PTPRA: variants seen among roughly 807,000 people sequenced by gnomAD.
PTPRA encodes the protein receptor-type tyrosine-protein phosphatase alpha.
PTPRA carries 25 observed loss-of-function variants against 104.8 expected under a neutral mutation model. That is an observed-to-expected ratio of 0.24 (90% confidence interval 0.17 to 0.33). The LOEUF (loss-of-function observed/expected upper bound fraction) is 0.33, where lower values mean the gene tolerates loss of function less well. PTPRA is among the 10% of genes least tolerant of loss of function. The pLI is 1.00. For synonymous variants in PTPRA, 323 were observed against 368.9 expected, an observed-to-expected ratio of 0.88 and a Z score of 1.43; for missense variants, 765 against 1,015.3, an observed-to-expected ratio of 0.75 and a Z score of 3.35.
chr20:3,021,963 T>A, intron 14 of PTPRA, 91 bp from the exon 15 acceptor site: 1 of 1,488,138 alleles, frequency 6.7e-7, no homozygotes, highest in Non-Finnish European at 9.2e-7. Context: ...TTTTCCATTG[T>A]CACTGACAAC....
chr20:3,026,654 T>A, intron 17 of PTPRA, 33 bp from the exon 18 acceptor site: 1 of 1,505,780 alleles, frequency 6.6e-7, no homozygotes, highest in Non-Finnish European at 9.2e-7. Context: ...GTTACTGGGA[T>A]CAGTAATGTT....
intron 20 of PTPRA, among the ~76,000 whole-genome samples, chr20:3,033,730 C>T (rs1215274603): frequency 1.3e-5 from 2 of 150,682 alleles, no homozygotes; most frequent in African/African-American, 2.4e-5. Flanking sequence ...GGAGAAACCC[C>T]GTCTCTACTA....
chr20:2,992,988 G>A (rs940934410), intron 9 of PTPRA, among the ~76,000 whole-genome samples: 3 of 152,230 alleles, frequency 2.0e-5, no homozygotes, highest in African/African-American at 7.2e-5. Flanking sequence ...GGGAGGCTGA[G>A]GTGGGGTATT....
rs1368151786 is a variant in PTPRA at position 3,019,048 on chromosome 20, C to T, written c.1041+1135C>T. On this transcript the variant is annotated intron_variant, in intron 13 of 23. Transcript: ENST00000399903. ...CGGGGGGGCTGACCCCCCCACCTCC[C>T]GGACGGGGCGGCTGGCCGGGCAGAG... is the stretch of plus-strand genomic sequence containing the variant. Among the ~76,000 whole-genome samples, 271 of 140,506 alleles carry T rather than the reference C, an allele frequency of 1.9e-3. 6 individuals are homozygous for T. The highest frequency in any genetic ancestry group is 2.9e-3 in the Non-Finnish European group (186 of 63,660). 92.2% of individuals were successfully genotyped at this position (140,506 alleles called of 152,430 possible).
intron 3 of PTPRA, among the ~76,000 whole-genome samples, chr20:2,948,760 G>T (rs1264251369): frequency 6.6e-6 from 1 of 151,726 alleles, no homozygotes; most frequent in Non-Finnish European, 1.5e-5. Context: ...GACCATCCTG[G>T]CTAACACAGT....
chr20:2,988,548 G>T (rs1338908089), intron 9 of PTPRA, 74 bp downstream of exon 9: 2 of 1,548,340 alleles, frequency 1.3e-6, no homozygotes, highest in South Asian at 1.3e-5. Flanking sequence ...CAGATCTTTG[G>T]AGTCATGAAG....
At chr20:2,915,715 C>T (rs879589753) in intron 1 of PTPRA, among the ~76,000 whole-genome samples, 15 of 152,248 alleles carry the variant, frequency 9.9e-5, no homozygotes, top group Admixed American at 7.8e-4. Context: ...AGACCAAGCG[C>T]GGTGGCTCAT....
intron 10 of PTPRA, among the ~76,000 whole-genome samples, chr20:3,006,454 C>G (rs1186201288): frequency 6.6e-6 from 1 of 152,140 alleles, no homozygotes; most frequent in Non-Finnish European, 1.5e-5. Context: ...ATTGGGATTA[C>G]GTGCATGAGC....
At chr20:2,930,696 A>G (rs1195579809) in intron 2 of PTPRA, among the ~76,000 whole-genome samples, 1 of 152,100 alleles carries the variant, frequency 6.6e-6, no homozygotes, top group Non-Finnish European at 1.5e-5. Context: ...TCACATGATT[A>G]TCTTCTTATA....
At chr20:2,985,101 G>T (rs1206566026) in intron 6 of PTPRA, among the ~76,000 whole-genome samples, 1 of 152,218 alleles carries the variant, frequency 6.6e-6, no homozygotes, top group Non-Finnish European at 1.5e-5. Context: ...ACAATGGCAT[G>T]CAATTGCTGG....
At chr20:3,031,113 T>C (rs192348035) in intron 20 of PTPRA, among the ~76,000 whole-genome samples, 1 of 152,232 alleles carries the variant, frequency 6.6e-6, no homozygotes, top group Admixed American at 6.5e-5. Context: ...ACCCTAGGCC[T>C]AGCCCAACCC....
intron 13 of PTPRA, among the ~76,000 whole-genome samples, chr20:3,019,893 G>C (rs1010642269): frequency 2.6e-5 from 4 of 152,086 alleles, no homozygotes; most frequent in African/African-American, 9.7e-5. Context: ...CCAACACAGC[G>C]AAACCCCGTC....
chr20:3,003,336 G>A (rs536315100), intron 9 of PTPRA, among the ~76,000 whole-genome samples: 4 of 152,212 alleles, frequency 2.6e-5, no homozygotes, highest in East Asian at 3.9e-4. Flanking sequence ...TGAATACTAC[G>A]GTTGTTCTCA....
chr20:2,909,761 A>G (rs1051634172), intron 1 of PTPRA, among the ~76,000 whole-genome samples: 5 of 139,006 alleles, frequency 3.6e-5, no homozygotes, highest in African/African-American at 1.1e-4. Flanking sequence ...TACATAATAT[A>G]TAATATATAT....
At chr20:3,005,949 G>A (rs1271740986) in intron 10 of PTPRA, among the ~76,000 whole-genome samples, 5 of 151,056 alleles carry the variant, frequency 3.3e-5, no homozygotes, top group South Asian at 2.1e-4. Context: ...AGAGGAAGAT[G>A]TTTGAACCTC....
intron 6 of PTPRA, 85 bp downstream of exon 6, chr20:2,975,326 C>A: frequency 2.5e-6 from 3 of 1,209,624 alleles, no homozygotes; most frequent in South Asian, 1.7e-5. Flanking sequence ...CTGTGGTAAC[C>A]GTGTGCATCT....
At chr20:2,965,415 G>A (rs1405823492) in intron 5 of PTPRA, among the ~76,000 whole-genome samples, 2 of 152,186 alleles carry the variant, frequency 1.3e-5, no homozygotes, top group African/African-American at 4.8e-5. Flanking sequence ...TGGGATCCTG[G>A]TTAGATTGAG....
intron 3 of PTPRA, among the ~76,000 whole-genome samples, chr20:2,948,809 G>A (rs1263021198): frequency 2.3e-4 from 35 of 151,944 alleles, no homozygotes; most frequent in Non-Finnish European, 3.1e-4. Flanking sequence ...AAAATTAGCT[G>A]GGCGTGGTGG....
At chr20:2,900,870 A>T (rs2059207331) in intron 1 of PTPRA, among the ~76,000 whole-genome samples, 1 of 151,892 alleles carries the variant, frequency 6.6e-6, no homozygotes, top group Non-Finnish European at 1.5e-5. Context: ...AAAAAAAAAA[A>T]AATAGCTTCT....
Sources: gnomAD v4.1 joint callset for allele counts (sites outside exome capture counted in the v4.1 genomes callset) on GRCh38, gnomAD v4.1.1 for gene constraint, MANE v1.5 for transcripts, NCBI Gene and HGNC (gene_info 2026-07-23, HGNC 2026-07-21) for gene names.